LOX: variants seen among roughly 807,000 people sequenced by gnomAD.
The protein encoded by LOX is protein-lysine 6-oxidase.
A neutral mutation model predicts 50.5 loss-of-function variants in LOX; 12 were observed. The ratio of observed to expected loss-of-function variants is 0.24; its 90% confidence interval spans 0.15 to 0.38. LOX has a LOEUF of 0.38. LOX is among the 10% of genes least tolerant of loss of function. LOX has a pLI of 1.00. For synonymous variants in LOX, 254 were observed against 230.6 expected, an observed-to-expected ratio of 1.10 and a Z score of -0.92; for missense variants, 504 against 563.8, an observed-to-expected ratio of 0.89 and a Z score of 1.07.
At position 122,074,179 on chromosome 5, in the gene LOX, C is replaced by A. The variant is rs761650026; in HGVS notation, c.879-10G>T. 6.2e-7 allele frequency: 1 copy of A among 1,605,362 alleles called. No homozygotes were observed. Among genetic ancestry groups the A allele is most frequent in the Non-Finnish European group, 8.5e-7 (1 of 1,173,434 alleles). ...CATACTGTGGTAATGTCTGATGTCC[C>A]ACAAAACAAAAAGATGGTGGTCAGT... On this transcript the variant is annotated splice_polypyrimidine_tract_variant and intron_variant, in intron 3 of 6. Coordinates refer to ENST00000231004, the MANE Select transcript of LOX (RefSeq NM_002317.7).
chr5:122,078,127 A>C lies in LOX; in HGVS notation c.-142T>G. ...CGGGTATCTCAGTCTCCACCAAGCA[A>C]TGCCAAGGGTGGGATTCAGACCCTT... On this transcript the variant is annotated 5_prime_UTR_variant, in exon 1 of 7. Transcript: ENST00000231004. The C allele has an allele frequency of 1.4e-6, 1 of 719,490 alleles. No homozygotes were observed. The highest frequency in any genetic ancestry group is 2.0e-6 in the Non-Finnish European group (1 of 491,944). 44.6% of individuals were successfully genotyped at this position (719,490 alleles called of 1,614,324 possible).
chr5:122,068,157 C>A (rs928749506), intron 6 of LOX, among the ~76,000 whole-genome samples: 32 of 118,680 alleles, frequency 2.7e-4, no homozygotes, highest in African/African-American at 8.9e-4. Flanking sequence ...AAGTTTGTTA[C>A]AGTCAGTAAT....
intron 3 of LOX, among the ~76,000 whole-genome samples, chr5:122,074,413 T>C (rs534412567): frequency 2.6e-5 from 4 of 152,336 alleles, no homozygotes; most frequent in South Asian, 2.1e-4. Flanking sequence ...TGCTTTCTTA[T>C]TGTACCCCAT....
Position 122,076,832 on chromosome 5 carries a change from G to C in LOX, c.740+61C>G, listed in dbSNP as rs532370742. Reference sequence around the variant, plus strand: ...GCGAAGCAGTAGCAGTCAGAACCAGGCACCAGAGCGCCCCCTGAAGGTAGA... The same window carrying C: ...GCGAAGCAGTAGCAGTCAGAACCAGCCACCAGAGCGCCCCCTGAAGGTAGA... On this transcript the variant is annotated intron_variant, in intron 2 of 6. Coordinates refer to ENST00000231004, the MANE Select transcript of LOX (RefSeq NM_002317.7). The C allele has an allele frequency of 4.0e-4, 588 of 1,452,248 alleles. 1 individual carries two copies. Among genetic ancestry groups the C allele is most frequent in the Non-Finnish European group, 5.5e-4 (572 of 1,035,780 alleles). 90.0% of individuals were successfully genotyped at this position (1,452,248 alleles called of 1,614,324 possible). A position where few individuals can be genotyped will look rare whatever the true frequency, so the allele number is the denominator to read the frequency against.
In LOX at chr5:122,077,822, A is replaced by AACACCTGCCCT; in HGVS notation, c.163_164insAGGGCAGGTGT (p.Phe55Ter). The AACACCTGCCCT allele has an allele frequency of 6.4e-7, 1 of 1,552,390 alleles. No homozygotes were observed. Among genetic ancestry groups the AACACCTGCCCT allele is most frequent in the Non-Finnish European group, 8.7e-7 (1 of 1,154,150 alleles). On this transcript the variant is annotated stop_gained and frameshift_variant, in exon 1 of 7. Transcript: ENST00000231004. LOFTEE classifies it high-confidence loss of function. This position sits in a 1 kb window ranked among gnomAD's most constrained non-coding sequence, Gnocchi z 4.9. The stretch of plus-strand genomic sequence containing the variant: ...CTGTGAGCCCAGGCTCAGCAAGCTG[A>AACACCTGCCCT]ACACCTGCCCGTTGTTCTCCCATTG...
In LOX at chr5:122,077,982, G is replaced by T. The variant is rs746103919; in HGVS notation, c.4C>A (p.Arg2Ser). The change falls in exon 1 of 7, where the codon CGC (arginine) becomes AGC (serine). Residue 2 changes from arginine to serine, a missense_variant. Coordinates refer to ENST00000231004, the MANE Select transcript of LOX (RefSeq NM_002317.7). This position sits in a 1 kb window ranked among gnomAD's most constrained non-coding sequence, Gnocchi z 4.9. ...AGCAGGAGCACGGTCCAGGCGAAGC[G>T]CATCACTCCTTTTGCCAGATTGACC... M[R>S]FAWTVLLLGP... The T allele has an allele frequency of 3.4e-6, 5 of 1,455,266 alleles. No homozygotes were observed. Among genetic ancestry groups the T allele is most frequent in the Non-Finnish European group, 4.5e-6 (5 of 1,108,142 alleles). 90.1% of individuals were successfully genotyped at this position (1,455,266 alleles called of 1,614,324 possible). A position where few individuals can be genotyped will look rare whatever the true frequency, so the allele number is the denominator to read the frequency against.
intron 4 of LOX, among the ~76,000 whole-genome samples, chr5:122,071,004 G>A (rs866445257): frequency 5.3e-5 from 8 of 152,074 alleles, no homozygotes; most frequent in South Asian, 2.1e-4. Flanking sequence ...TGCTTTGAAC[G>A]TCCATGATAC....
intron 3 of LOX, among the ~76,000 whole-genome samples, chr5:122,074,381 CA>C (rs1158052475): frequency 6.6e-6 from 1 of 152,088 alleles, no homozygotes; most frequent in Non-Finnish European, 1.5e-5. Context: ...GCTACTAGGA[CA>C]AAAGACTTAG....
At chr5:122,066,811 C>G in intron 6 of LOX, 62 bp from the exon 7 acceptor site, 1 of 1,034,252 alleles carries the variant, frequency 9.7e-7, no homozygotes, top group Middle Eastern at 2.2e-4. Context: ...ATGAGTACAA[C>G]AGACAAATTT....
At chr5:122,070,726 T>A in intron 4 of LOX, 137 bp from the exon 5 acceptor site, 1 of 537,774 alleles carries the variant, frequency 1.9e-6, no homozygotes. Context: ...ATATTTCATC[T>A]CCCTTGAGAA....
Position 122,074,033 on chromosome 5 carries a change from C to T in LOX, c.1015G>A (p.Ala339Thr). 6.2e-7 allele frequency: 1 copy of T among 1,614,016 alleles called. No individual in the cohort carries two copies. Among genetic ancestry groups the T allele is most frequent in the Non-Finnish European group, 8.5e-7 (1 of 1,179,966 alleles). The change falls in exon 4 of 7, where the codon GCA becomes ACA. Residue 339 changes from alanine (A) to threonine (T), a missense_variant. Ala to Thr is a moderately conservative substitution (Grantham distance 58). This residue lies in a region of LOX where 106 missense variants were observed against 198.1 expected (regional missense o/e 0.54). Transcript: ENST00000231004. The part of the protein sequence containing the change: ...SCDYGYHRRF[A>T]CTAHTQGLSP... ...CATACCTGTGTGTGTGCAGTACATG[C>T]AAATCGCCTGTGGTAGCCATAGTCA...
chr5:122,073,540 G>GA lies in LOX; in HGVS notation c.1035+472dup, dbSNP rs373773125. ...AGAAGGAAGGAATGGTTTCACAGGT[G>GA]AAAAAACAGAGATATCTTTTTTTAC... On this transcript the variant is annotated intron_variant, in intron 4 of 6. Coordinates refer to ENST00000231004, the MANE Select transcript of LOX (RefSeq NM_002317.7). Among the ~76,000 whole-genome samples, 610 of 152,240 alleles carry GA rather than the reference G, an allele frequency of 4.0e-3. 4 individuals carry two copies. The highest frequency in any genetic ancestry group is 0.014 in the Middle Eastern group (4 of 294).
At chr5:122,070,000 T>G in intron 6 of LOX, 53 bp downstream of exon 6, 1 of 1,285,392 alleles carries the variant, frequency 7.8e-7, no homozygotes, top group Non-Finnish European at 1.1e-6. Context: ...ATGTTTGGCA[T>G]GAACAAAAAT....
chr5:122,070,128 T>C lies in LOX; in HGVS notation c.1172A>G (p.Tyr391Cys). ...GTCACAGCGCACAACATTGTTGGTATAGTCAGATTCAGGAACCAGGTAGCT... is the reference window on the plus strand; with the variant it reads ...GTCACAGCGCACAACATTGTTGGTACAGTCAGATTCAGGAACCAGGTAGCT... ...NPSYLVPESD[Y>C]TNNVVRCDIR... The change falls in exon 6 of 7, where the codon TAT (tyrosine) becomes TGT (cysteine). Residue 391 changes from tyrosine (Y) to cysteine (C), a missense_variant. By Grantham distance (194) the Tyr-to-Cys change is radical. Transcript: ENST00000231004. The C allele has an allele frequency of 6.2e-7, 1 of 1,613,264 alleles. No individual in the cohort carries two copies.
intron 4 of LOX, among the ~76,000 whole-genome samples, chr5:122,073,627 C>A (rs1387940302): frequency 6.6e-6 from 1 of 152,138 alleles, no homozygotes; most frequent in Non-Finnish European, 1.5e-5. Context: ...ACCATTCAGA[C>A]TTTTTCAGAG....
At position 122,077,320 on chromosome 5, in the gene LOX, G is replaced by GCTTC. The variant is rs1357076637; in HGVS notation, c.631+34_631+35insGAAG. 6.2e-7 allele frequency: 1 copy of GCTTC among 1,612,854 alleles called. No individual in the cohort carries two copies. On this transcript the variant is annotated intron_variant, in intron 1 of 6. Coordinates refer to ENST00000231004, the MANE Select transcript of LOX (RefSeq NM_002317.7). This position sits in a 1 kb window ranked among gnomAD's most constrained non-coding sequence, Gnocchi z 4.9. ...GAAGCCACATAGCTGGGGACCAGGT[G>GCTTC]CACGGGTGCTTCCAGCGGACTTGGG... is the stretch of plus-strand genomic sequence containing the variant.
intron 6 of LOX, chr5:122,069,822 T>C: frequency 7.9e-6 from 4 of 508,598 alleles, no homozygotes; most frequent in South Asian, 6.8e-5. Flanking sequence ...GGTCTGTTTA[T>C]GTCTTCTCCT....
In LOX at chr5:122,078,190, C is replaced by T; in HGVS notation, c.-205G>A. ...CGGCTGCTCGGACGTGGCACCCTTC[C>T]CTTTCCCCTTTCTCAGTCCTGGAAG... is the stretch of plus-strand genomic sequence containing the variant. On this transcript the variant is annotated 5_prime_UTR_variant, in exon 1 of 7. Coordinates refer to ENST00000231004, the MANE Select transcript of LOX (RefSeq NM_002317.7). The T allele has an allele frequency of 4.4e-6, 2 of 457,084 alleles. No individual in the cohort carries two copies. The highest frequency in any genetic ancestry group is 7.4e-6 in the Non-Finnish European group (2 of 268,962). 28.3% of individuals were successfully genotyped at this position (457,084 alleles called of 1,614,324 possible). A position where few individuals can be genotyped will look rare whatever the true frequency, so the allele number is the denominator to read the frequency against.
Position 122,077,092 on chromosome 5 carries a change from C to A in LOX, c.632-91G>T. ...CCCCTCTAGGTCCCTTACTCCTCACCCTTCGCCCACCGGGACTGCAGAGTG... is the reference window on the plus strand; with the variant it reads ...CCCCTCTAGGTCCCTTACTCCTCACACTTCGCCCACCGGGACTGCAGAGTG... On this transcript the variant is annotated intron_variant, in intron 1 of 6. Transcript: ENST00000231004. The surrounding 1 kb of genome is among the most constrained non-coding windows in gnomAD (Gnocchi z 4.9). 3 of 1,537,222 alleles carry A rather than the reference C, an allele frequency of 2.0e-6. No individual in the cohort carries two copies. Among genetic ancestry groups the A allele is most frequent in the Non-Finnish European group, 8.7e-7 (1 of 1,146,180 alleles).
Sources: allele counts gnomAD v4.1 joint callset (sites outside exome capture counted in the v4.1 genomes callset), GRCh38; gene constraint gnomAD v4.1.1; regional missense constraint gnomAD v4.1.1; non-coding constraint Gnocchi (gnomAD v3.1); transcripts MANE v1.5; gene names NCBI Gene and HGNC (gene_info 2026-07-23, HGNC 2026-07-21).